The following PCDH11X variants were observed in gnomAD, a reference collection of about 807,000 sequenced individuals.
PCDH11X encodes the protein protocadherin 11 X-linked, also known as protocadherin-11 X-linked.
A neutral mutation model predicts 53.3 loss-of-function variants in PCDH11X; 18 were observed. That is an observed-to-expected ratio of 0.34 (90% CI 0.23 to 0.50). The LOEUF (loss-of-function observed/expected upper bound fraction) is 0.50, where lower values mean the gene tolerates loss of function less well. PCDH11X is among the 20% of genes least tolerant of loss of function. PCDH11X has a pLI of 0.98. For missense variants in PCDH11X, 570 were observed against 1,032.4 expected, an observed-to-expected ratio of 0.55 and a Z score of 6.14; for synonymous variants, 279 against 393.3, an observed-to-expected ratio of 0.71 and a Z score of 3.44.
chrX:92,230,597 T>C (rs2067058674), intron 7 of PCDH11X, among the ~76,000 whole-genome samples: 1 of 95,549 alleles, frequency 1.0e-5, no homozygotes, highest in Non-Finnish European at 2.0e-5. Context: ...ATATAAAATA[T>C]ATATATAATA....
chrX:92,533,154 C>T (rs1240467829), intron 10 of PCDH11X, among the ~76,000 whole-genome samples: 1 of 110,973 alleles, frequency 9.0e-6, no homozygotes, highest in Non-Finnish European at 1.9e-5. Flanking sequence ...AATTAAATGT[C>T]TTTGGGAGGA....
intron 10 of PCDH11X, among the ~76,000 whole-genome samples, chrX:92,481,249 G>A (rs1274609356): frequency 7.4e-5 from 8 of 108,436 alleles, no homozygotes; most frequent in Non-Finnish European, 1.5e-4. Flanking sequence ...AGGAGGTGGA[G>A]TGAACTCATG....
At chrX:92,341,990 A>G (rs2069773685) in intron 8 of PCDH11X, among the ~76,000 whole-genome samples, 1 of 111,878 alleles carries the variant, frequency 8.9e-6, no homozygotes, top group Admixed American at 9.5e-5. Context: ...CAACTCAAGA[A>G]GCAAAAAACA....
intron 7 of PCDH11X, among the ~76,000 whole-genome samples, chrX:92,260,874 T>C (rs1198429617): frequency 8.9e-6 from 1 of 111,919 alleles, no homozygotes; most frequent in Non-Finnish European, 1.9e-5. Flanking sequence ...ATGTATATTG[T>C]GCAAAAACTG....
chrX:91,790,595 ATTTTGTATTTGCTGT>A (rs923388171), intron 1 of PCDH11X, among the ~76,000 whole-genome samples: 4 of 112,092 alleles, frequency 3.6e-5, no homozygotes, highest in African/African-American at 1.3e-4. Context: ...GGTAGAGATT[ATTTTGTATTTGCTGT>A]CTCAAAATAA....
At chrX:91,902,512 T>C (rs1940993480) in intron 6 of PCDH11X, among the ~76,000 whole-genome samples, 2 of 102,810 alleles carry the variant, frequency 1.9e-5, no homozygotes, top group South Asian at 9.5e-4. Context: ...GTGTTAATTT[T>C]CTTAGAGTTA....
chrX:91,818,595 C>T (rs1936529173), intron 4 of PCDH11X, among the ~76,000 whole-genome samples: 1 of 109,402 alleles, frequency 9.1e-6, no homozygotes, highest in African/African-American at 3.3e-5. Context: ...GTCCCAGCTA[C>T]TCGGGAGGCT....
chrX:91,851,954 A>T (rs1343656335), intron 5 of PCDH11X, among the ~76,000 whole-genome samples: 2 of 109,390 alleles, frequency 1.8e-5, no homozygotes, highest in African/African-American at 6.6e-5. Flanking sequence ...GAAAAAAAAA[A>T]TTTCTCCTAC....
At chrX:92,539,401 G>T (rs1315991756) in intron 10 of PCDH11X, among the ~76,000 whole-genome samples, 1 of 111,465 alleles carries the variant, frequency 9.0e-6, no homozygotes, top group Non-Finnish European at 1.9e-5. Context: ...TCTTAAGTAT[G>T]CCAATTGCAT....
intron 6 of PCDH11X, chrX:92,114,488 T>G (rs1172081130): frequency 5.9e-6 from 3 of 507,936 alleles, no homozygotes; most frequent in Non-Finnish European, 1.0e-5. Context: ...CCTTTTTATC[T>G]ATTTTCTATA....
At chrX:92,594,433 G>T (rs1458921525) in intron 10 of PCDH11X, among the ~76,000 whole-genome samples, 3 of 110,292 alleles carry the variant, frequency 2.7e-5, no homozygotes, top group Admixed American at 1.9e-4. Context: ...GGCTGTATTT[G>T]CATAAATGTG....
chrX:92,427,296 T>C (rs1408987587), intron 9 of PCDH11X, among the ~76,000 whole-genome samples: 1 of 99,661 alleles, frequency 1.0e-5, no homozygotes, highest in Non-Finnish European at 2.0e-5. Flanking sequence ...GTTTAAAAAA[T>C]AACCTCTAAT....
intron 5 of PCDH11X, among the ~76,000 whole-genome samples, chrX:91,869,200 G>C (rs1270215164): frequency 9.1e-6 from 1 of 109,964 alleles, no homozygotes; most frequent in East Asian, 2.8e-4. Context: ...TTTATCAGTA[G>C]CTCAATATTC....
chrX:92,613,386 G>A (rs1927585968), intron 10 of PCDH11X, among the ~76,000 whole-genome samples: 1 of 110,490 alleles, frequency 9.1e-6, no homozygotes, highest in African/African-American at 3.3e-5. Context: ...ATTCCTGGTT[G>A]GAATTTCTTG....
At chrX:92,601,696 A>T (rs1288161900) in intron 10 of PCDH11X, among the ~76,000 whole-genome samples, 3 of 110,891 alleles carry the variant, frequency 2.7e-5, no homozygotes, top group Admixed American at 9.6e-5. Flanking sequence ...ATGGAGAAGC[A>T]CTTATTCTAG....
At chrX:92,467,293 C>A (rs1258680207) in intron 9 of PCDH11X, among the ~76,000 whole-genome samples, 1 of 111,179 alleles carries the variant, frequency 9.0e-6, no homozygotes, top group Non-Finnish European at 1.9e-5. Context: ...AGAAACATTA[C>A]TTTCACCTCT....
chrX:92,148,675 CT>C (rs1231078584), intron 6 of PCDH11X, among the ~76,000 whole-genome samples: 1 of 108,085 alleles, frequency 9.3e-6, no homozygotes, highest in African/African-American at 3.4e-5. Context: ...AGCCACTTAA[CT>C]TTTTTTTTCT....
At chrX:92,148,476 G>C (rs937600872) in intron 6 of PCDH11X, among the ~76,000 whole-genome samples, 4 of 106,591 alleles carry the variant, frequency 3.8e-5, no homozygotes, top group African/African-American at 1.4e-4. Flanking sequence ...GATCCACTGC[G>C]TCGGTCTCCC....
In PCDH11X at chrX:92,277,114, G is replaced by C. The variant is rs763703405; in HGVS notation, c.3144+13971G>C. Among the ~76,000 whole-genome samples, 4 of 109,857 alleles carry C rather than the reference G, an allele frequency of 3.6e-5. No homozygotes were observed. The South Asian group carries it at 1.6e-3, about 43-fold the overall frequency. On this transcript the variant is annotated intron_variant, in intron 8 of 10. Transcript: ENST00000682573. ...TGGCGAGGAGGGGAGAGGTCAGATG[G>C]GTCTGTAGAAAAGGAAGATTAGAAA...
Sources: allele counts gnomAD v4.1 joint callset (sites outside exome capture counted in the v4.1 genomes callset), GRCh38; gene constraint gnomAD v4.1.1; transcripts MANE v1.5; gene names NCBI Gene and HGNC (gene_info 2026-07-23, HGNC 2026-07-21).